AAMDC: variants seen among roughly 807,000 people sequenced by gnomAD.
AAMDC encodes the protein adipogenesis associated Mth938 domain containing.
A neutral mutation model predicts 15.5 loss-of-function variants in AAMDC; 16 were observed. The observed-to-expected ratio is 1.03, with a 90% CI of 0.70 to 1.57. The LOEUF is 1.57. Among genes scored for constraint, AAMDC ranks in the 40% most tolerant of loss-of-function variants. The pLI is 0.00. For synonymous variants in AAMDC, 51 were observed against 51.6 expected (o/e 0.99, Z 0.05); for missense variants, 141 against 144.9 (o/e 0.97, Z 0.14).
At chr11:77,864,489 A>G (rs1359884251) in intron 2 of AAMDC, among the ~76,000 whole-genome samples, 1 of 152,142 alleles carries the variant, frequency 6.6e-6, no homozygotes, top group African/African-American at 2.4e-5. Context: ...TTGATTGAGA[A>G]CCAGATTAAT....
rs1198622845 is a variant in AAMDC, at chr11:77,832,065, C to T, written c.-18-10414C>T. 2.0e-5 allele frequency: 3 copies of T among 151,636 alleles called. No individual in the cohort carries two copies. The East Asian group carries it at 5.9e-4, about 30-fold the overall frequency. 9.4% of individuals were successfully genotyped at this position (151,636 alleles called of 1,614,324 possible). On this transcript the variant is annotated intron_variant, in intron 1 of 3. Coordinates refer to ENST00000393427, the MANE Select transcript of AAMDC (RefSeq NM_024684.4). ...ATGTCACTGTTCTGTTGACAAACATCTTGTGACTTCATTTTCTCTAAAGTC... is the reference window on the plus strand; with the variant it reads ...ATGTCACTGTTCTGTTGACAAACATTTTGTGACTTCATTTTCTCTAAAGTC...
At position 77,867,339 on chromosome 11, in the gene AAMDC, C is replaced by T. The variant is rs149583911; in HGVS notation, c.133-2383C>T. ...TCAAGGCCTATTCATTTTCATACTTCGAGACCCAGTTAAAACAGCATGTCT... is the reference window on the plus strand; with the variant it reads ...TCAAGGCCTATTCATTTTCATACTTTGAGACCCAGTTAAAACAGCATGTCT... On this transcript the variant is annotated intron_variant, in intron 2 of 3. Coordinates refer to ENST00000393427, the MANE Select transcript of AAMDC (RefSeq NM_024684.4). Among the ~76,000 whole-genome samples the T allele has an allele frequency of 6.5e-4, 99 of 152,248 alleles. 2 individuals carry two copies. In the East Asian group the frequency reaches 0.012, roughly 18 times the overall value.
downstream of AAMDC, among the ~76,000 whole-genome samples, chr11:77,904,853 T>C (rs1952894549): frequency 6.6e-6 from 1 of 152,226 alleles, no homozygotes; most frequent in Non-Finnish European, 1.5e-5. Context: ...AGTTGTATCA[T>C]GTTAGGCACA....
chr11:77,861,908 C>CA (rs1273296133), intron 2 of AAMDC, among the ~76,000 whole-genome samples: 3 of 152,194 alleles, frequency 2.0e-5, no homozygotes, highest in African/African-American at 7.2e-5. Context: ...CTAATGTCTG[C>CA]AGCTGACTGA....
intron 5 of AAMDC, among the ~76,000 whole-genome samples, chr11:77,889,039 T>C (rs1952142557): frequency 1.3e-5 from 2 of 152,150 alleles, no homozygotes; most frequent in Non-Finnish European, 2.9e-5. Flanking sequence ...GATCTAGAAC[T>C]AGAAATACCA....
At chr11:77,840,778 TG>T (rs1397008481) in intron 1 of AAMDC, among the ~76,000 whole-genome samples, 4 of 152,106 alleles carry the variant, frequency 2.6e-5, no homozygotes, top group Non-Finnish European at 4.4e-5. Flanking sequence ...TGTAATTTTT[TG>T]TTGAAGAGTG....
intron 1 of AAMDC, among the ~76,000 whole-genome samples, chr11:77,840,807 T>C (rs1366188968): frequency 1.5e-4 from 23 of 152,092 alleles, no homozygotes; most frequent in Non-Finnish European, 1.2e-4. Context: ...AGATAACATA[T>C]TGTAGGACAG....
intron 5 of AAMDC, chr11:77,891,648 G>T (rs756088225): frequency 6.2e-7 from 1 of 1,609,520 alleles, no homozygotes; most frequent in South Asian, 1.1e-5. Flanking sequence ...CGTCTGGACA[G>T]ATTTGGCCTA....
intron 2 of AAMDC, among the ~76,000 whole-genome samples, chr11:77,863,137 A>G (rs1950954276): frequency 6.6e-6 from 1 of 152,156 alleles, no homozygotes; most frequent in South Asian, 2.1e-4. Flanking sequence ...TTATAGCCCT[A>G]TCAGAAGCCG....
chr11:77,900,247 A>G (rs560504871), intron 5 of AAMDC, among the ~76,000 whole-genome samples: 1 of 151,974 alleles, frequency 6.6e-6, no homozygotes, highest in Non-Finnish European at 1.5e-5. Context: ...CTACTGGTGC[A>G]TGCCACCATG....
downstream of AAMDC, among the ~76,000 whole-genome samples, chr11:77,904,806 G>A (rs373860778): frequency 1.5e-4 from 23 of 152,276 alleles, no homozygotes; most frequent in African/African-American, 4.8e-4. Context: ...AGTGATTAGC[G>A]TGTTTTGGGT....
chr11:77,832,360 C>T (rs1300461913), intron 1 of AAMDC, among the ~76,000 whole-genome samples: 1 of 150,226 alleles, frequency 6.7e-6, no homozygotes, highest in Non-Finnish European at 1.5e-5. Context: ...GCGTTTCGCT[C>T]TTGTTGCCCA....
At chr11:77,858,042 T>C (rs1194156089) in intron 2 of AAMDC, among the ~76,000 whole-genome samples, 1 of 151,950 alleles carries the variant, frequency 6.6e-6, no homozygotes, top group Non-Finnish European at 1.5e-5. Context: ...GTCCTAATGC[T>C]GTCCCTCACA....
At chr11:77,837,014 T>C (rs926845439) in intron 1 of AAMDC, among the ~76,000 whole-genome samples, 1 of 152,272 alleles carries the variant, frequency 6.6e-6, no homozygotes, top group African/African-American at 2.4e-5. Flanking sequence ...TCTTCTCTAC[T>C]GTAGTATTAG....
rs372591304 is a variant in AAMDC, at chr11:77,866,143, T to G, written c.133-3579T>G. On this transcript the variant is annotated intron_variant, in intron 2 of 3. Transcript: ENST00000393427. ...GAAATACTTCTTTGGAAGAGTAGTTTAGGAATGTTTTCTTTTTAAAGTTAG... is the reference window on the plus strand; with the variant it reads ...GAAATACTTCTTTGGAAGAGTAGTTGAGGAATGTTTTCTTTTTAAAGTTAG... 3.3e-5 allele frequency among the ~76,000 whole-genome samples: 5 copies of G among 152,346 alleles called. No homozygotes were observed. In the East Asian group the frequency reaches 7.7e-4, roughly 23 times the overall value.
intron 1 of AAMDC, among the ~76,000 whole-genome samples, chr11:77,833,049 T>A (rs1949526831): frequency 7.2e-6 from 1 of 139,748 alleles, no homozygotes. Context: ...TCTCATTCTG[T>A]CACCCAGGCT....
At chr11:77,892,196 T>C (rs1370614375) in intron 5 of AAMDC, among the ~76,000 whole-genome samples, 1 of 152,226 alleles carries the variant, frequency 6.6e-6, no homozygotes, top group Non-Finnish European at 1.5e-5. Flanking sequence ...CAAGCACTAT[T>C]TTAGGTTCTG....
chr11:77,878,583 T>C, intron 5 of AAMDC: 1 of 553,512 alleles, frequency 1.8e-6, no homozygotes, highest in Non-Finnish European at 3.2e-6. Context: ...GAAATAAGAC[T>C]ATAGCTCAAA....
At chr11:77,895,538 A>G (rs1443254879) in intron 5 of AAMDC, among the ~76,000 whole-genome samples, 1 of 139,802 alleles carries the variant, frequency 7.2e-6, no homozygotes, top group Admixed American at 7.1e-5. Context: ...AAAAAAAAAA[A>G]AAAAAAAAAA....
Sources: gnomAD v4.1 joint callset for allele counts (sites outside exome capture counted in the v4.1 genomes callset) on GRCh38, gnomAD v4.1.1 for gene constraint, MANE v1.5 for transcripts, NCBI Gene and HGNC (gene_info 2026-07-23, HGNC 2026-07-21) for gene names.